Variants in PRKG1 observed in about 807,000 individuals in gnomAD.
The protein encoded by PRKG1 is cGMP-dependent protein kinase 1.
A neutral mutation model predicts 88.1 loss-of-function variants in PRKG1; 35 were observed. The ratio of observed to expected loss-of-function variants is 0.40; its 90% CI spans 0.30 to 0.53. PRKG1 has a LOEUF of 0.53. Among genes scored for constraint, PRKG1 ranks in the 20% least tolerant of loss-of-function variants. PRKG1 has a pLI of 0.59. For synonymous variants in PRKG1, 303 were observed against 292.5 expected (o/e 1.04, Z -0.37); for missense variants, 540 against 839.8 (o/e 0.64, Z 4.41).
chr10:51,453,363 G>A (rs1036115555), intron 2 of PRKG1, among the ~76,000 whole-genome samples: 1 of 151,836 alleles, frequency 6.6e-6, no homozygotes, highest in Non-Finnish European at 1.5e-5. Context: ...ATTTGGGTTT[G>A]GTTTGTTCCT....
intron 7 of PRKG1, among the ~76,000 whole-genome samples, chr10:52,092,894 T>C (rs568220156): frequency 2.0e-4 from 31 of 152,276 alleles, no homozygotes; most frequent in South Asian, 2.1e-4. Context: ...TGGTTTTATC[T>C]GCATAATTAT....
Position 52,296,999 on chromosome 10 carries a change from G to A in PRKG1, c.*3099G>A, listed in dbSNP as rs1458865851. 5.3e-5 allele frequency: 8 copies of A among 151,914 alleles called. No individual in the cohort carries two copies. The highest frequency in any genetic ancestry group is 1.5e-5 in the Non-Finnish European group (1 of 67,950). The allele number at this position is 151,914 out of a possible 1,614,324, so 9.4% of individuals were successfully genotyped here. Reference sequence around the variant, plus strand: ...TCATTTCTAAATGACTGAACTGATGGTAAACAAATTTAATGAAGTCAGCTA... The same window carrying A: ...TCATTTCTAAATGACTGAACTGATGATAAACAAATTTAATGAAGTCAGCTA... On this transcript the variant is annotated 3_prime_UTR_variant, in exon 18 of 18. Coordinates refer to ENST00000373980, the MANE Select transcript of PRKG1 (RefSeq NM_006258.4).
At chr10:51,705,917 C>G (rs1841593724) in intron 3 of PRKG1, among the ~76,000 whole-genome samples, 1 of 152,136 alleles carries the variant, frequency 6.6e-6, no homozygotes, top group Admixed American at 6.5e-5. Flanking sequence ...TGAATTTGAA[C>G]TTTCTATTTC....
chr10:51,308,446 A>C (rs776837771), intron 2 of PRKG1, among the ~76,000 whole-genome samples: 2 of 152,188 alleles, frequency 1.3e-5, no homozygotes, highest in Non-Finnish European at 2.9e-5. Flanking sequence ...CATATTTCAT[A>C]AAAAGCACAT....
intron 2 of PRKG1, among the ~76,000 whole-genome samples, chr10:51,457,418 A>T (rs1263611630): frequency 1.3e-5 from 2 of 152,034 alleles, no homozygotes; most frequent in Admixed American, 6.6e-5. Context: ...GACTTTGGGG[A>T]CTCAGTGGGG....
At chr10:51,942,016 G>T (rs959708274) in intron 5 of PRKG1, among the ~76,000 whole-genome samples, 3 of 152,036 alleles carry the variant, frequency 2.0e-5, no homozygotes, top group Non-Finnish European at 4.4e-5. Context: ...GGATCCCTGA[G>T]GAATCGCCAC....
At chr10:51,900,453 T>C (rs1841955452) in intron 4 of PRKG1, among the ~76,000 whole-genome samples, 1 of 152,208 alleles carries the variant, frequency 6.6e-6, no homozygotes, top group African/African-American at 2.4e-5. Context: ...ATGAATCATT[T>C]ACCAATGTGT....
At chr10:51,371,394 A>C (rs916926440) in intron 2 of PRKG1, among the ~76,000 whole-genome samples, 5 of 152,006 alleles carry the variant, frequency 3.3e-5, no homozygotes, top group African/African-American at 9.7e-5. Context: ...AGAAAAAAAA[A>C]CATGAGGACA....
chr10:51,320,096 C>A, intron 2 of PRKG1: 1 of 170,606 alleles, frequency 5.9e-6, no homozygotes. Flanking sequence ...GAAACTCAAA[C>A]ACATGAACCT....
intron 2 of PRKG1, among the ~76,000 whole-genome samples, chr10:51,336,290 T>G (rs1207885627): frequency 6.6e-6 from 1 of 152,008 alleles, no homozygotes; most frequent in Non-Finnish European, 1.5e-5. Context: ...GAGGCAGAGT[T>G]TGCAGTGAGT....
chr10:51,304,312 T>C (rs1336039655), intron 2 of PRKG1, among the ~76,000 whole-genome samples: 1 of 151,978 alleles, frequency 6.6e-6, no homozygotes, highest in African/African-American at 2.4e-5. Context: ...TATTAAAAAA[T>C]CAATTTGAAA....
Position 51,553,981 on chromosome 10 carries a change from T to A in PRKG1, c.592+86145T>A, listed in dbSNP as rs1320661820. On this transcript the variant is annotated intron_variant, in intron 3 of 17. Coordinates refer to ENST00000373980, the MANE Select transcript of PRKG1 (RefSeq NM_006258.4). ...ATGTATGTATTAGATACGTGCATAT[T>A]ATATATGCGTATGTGATACGTGCAT... Among the ~76,000 whole-genome samples, 14 of 135,892 alleles carry A rather than the reference T, an allele frequency of 1.0e-4. 1 individual carries two copies. The highest frequency in any genetic ancestry group is 3.0e-4 in the Admixed American group (4 of 13,512). The allele number at this position is 135,892 out of a possible 152,430, so 89.2% of individuals were successfully genotyped here.
intron 1 of PRKG1, among the ~76,000 whole-genome samples, chr10:51,069,256 T>C (rs1415459488): frequency 3.3e-5 from 5 of 152,036 alleles, no homozygotes; most frequent in African/African-American, 1.2e-4. Context: ...TATTTTTTTC[T>C]TTTCTACGCA....
intron 7 of PRKG1, among the ~76,000 whole-genome samples, chr10:52,106,011 C>T (rs560102702): frequency 6.6e-6 from 1 of 152,152 alleles, no homozygotes; most frequent in Non-Finnish European, 1.5e-5. Flanking sequence ...TCATTGTATC[C>T]TTCTTATGCC....
At chr10:51,616,173 A>G (rs1288870332) in intron 3 of PRKG1, among the ~76,000 whole-genome samples, 5 of 152,212 alleles carry the variant, frequency 3.3e-5, no homozygotes, top group Non-Finnish European at 5.9e-5. Context: ...TGCCAGATGG[A>G]CTGGCCTGCA....
At chr10:51,494,594 CA>C (rs892457634) in intron 3 of PRKG1, among the ~76,000 whole-genome samples, 1 of 152,108 alleles carries the variant, frequency 6.6e-6, no homozygotes, top group African/African-American at 2.4e-5. Context: ...CATTGCCAGG[CA>C]GGCAAAAATG....
chr10:52,172,697 T>A (rs1838738481), intron 9 of PRKG1, among the ~76,000 whole-genome samples: 1 of 152,202 alleles, frequency 6.6e-6, no homozygotes, highest in African/African-American at 2.4e-5. Context: ...GCAGCATAAT[T>A]CTAAAACTGC....
chr10:52,087,342 G>A (rs928263604), intron 7 of PRKG1, among the ~76,000 whole-genome samples: 4 of 151,896 alleles, frequency 2.6e-5, no homozygotes, highest in African/African-American at 9.7e-5. Context: ...CATGATTTTT[G>A]CCCATTTCCC....
At chr10:51,554,616 T>G (rs1837262263) in intron 3 of PRKG1, among the ~76,000 whole-genome samples, 1 of 151,448 alleles carries the variant, frequency 6.6e-6, no homozygotes, top group Non-Finnish European at 1.5e-5. Context: ...CAGTAGTAGC[T>G]GGTGCATTTT....
Sources: allele counts gnomAD v4.1 joint callset (sites outside exome capture counted in the v4.1 genomes callset), GRCh38; gene constraint gnomAD v4.1.1; transcripts MANE v1.5; gene names NCBI Gene and HGNC (gene_info 2026-07-23, HGNC 2026-07-21).